Variants in SYNPR observed in about 807,000 individuals in gnomAD.
The protein encoded by SYNPR is synaptoporin.
In SYNPR, 23 loss-of-function variants were observed where a neutral mutation model predicts 32.9. The observed-to-expected ratio is 0.70, with a 90% CI of 0.50 to 0.99. The LOEUF (loss-of-function observed/expected upper bound fraction) is 0.99, where lower values mean the gene tolerates loss of function less well. SYNPR is among the 50% of genes least tolerant of loss of function. The pLI, the probability that SYNPR is intolerant of heterozygous loss-of-function variation, is 0.00. For missense variants in SYNPR, 318 were observed against 349.3 expected, an observed-to-expected ratio of 0.91 and a Z score of 0.71; for synonymous variants, 146 against 135.9, an observed-to-expected ratio of 1.07 and a Z score of -0.52.
chr3:63,605,517 T>C (rs557530017), intron 4 of SYNPR, among the ~76,000 whole-genome samples: 64 of 152,214 alleles, frequency 4.2e-4, no homozygotes, highest in Non-Finnish European at 8.1e-4. Flanking sequence ...AAATATTTAT[T>C]GAGCAGCTGC....
chr3:63,486,948 G>T (rs1701167491), intron 3 of SYNPR, among the ~76,000 whole-genome samples: 1 of 152,108 alleles, frequency 6.6e-6, no homozygotes, highest in South Asian at 2.1e-4. Context: ...TTTTGGAGGT[G>T]CTGCATGGGG....
chr3:63,219,289 C>T, the SYNPR span, among the ~76,000 whole-genome samples: 16 of 152,246 alleles, frequency 1.1e-4, no homozygotes, highest in East Asian at 2.1e-3. Context: ...GATTTTGGCA[C>T]GTCCAAGAAA....
At chr3:63,469,596 T>G (rs1449096135) in intron 2 of SYNPR, among the ~76,000 whole-genome samples, 53 of 152,252 alleles carry the variant, frequency 3.5e-4, no homozygotes, top group Admixed American at 3.5e-3. Flanking sequence ...TGAATTTTTA[T>G]TTTATCTTAT....
chr3:63,203,540 G>C, the SYNPR span: 1 of 152,108 alleles, frequency 6.6e-6, no homozygotes, highest in Non-Finnish European at 1.5e-5. Context: ...GCTGGGAACC[G>C]GAAGCTGGGT....
At chr3:63,478,244 T>C (rs886842320) in intron 2 of SYNPR, among the ~76,000 whole-genome samples, 3 of 152,208 alleles carry the variant, frequency 2.0e-5, no homozygotes, top group Non-Finnish European at 4.4e-5. Flanking sequence ...ATGGTATTAA[T>C]AATACCTTAC....
At chr3:63,487,793 A>G (rs929957268) in intron 3 of SYNPR, among the ~76,000 whole-genome samples, 2 of 152,236 alleles carry the variant, frequency 1.3e-5, no homozygotes, top group Non-Finnish European at 2.9e-5. Context: ...TGGCACTAGC[A>G]TAATCCTTGG....
chr3:63,468,901 T>TA (rs1000910983), intron 2 of SYNPR, among the ~76,000 whole-genome samples: 15 of 151,804 alleles, frequency 9.9e-5, no homozygotes, highest in Admixed American at 2.0e-4. Context: ...CATTTTTTTT[T>TA]AAAAAAAGGA....
At chr3:63,390,996 G>T (rs958795748) in intron 2 of SYNPR, among the ~76,000 whole-genome samples, 1 of 152,234 alleles carries the variant, frequency 6.6e-6, no homozygotes, top group Non-Finnish European at 1.5e-5. Context: ...CAGGGCCGTA[G>T]TAAGTCCTCA....
intron 2 of SYNPR, among the ~76,000 whole-genome samples, chr3:63,434,930 C>T (rs1193664397): frequency 6.6e-6 from 1 of 152,172 alleles, no homozygotes; most frequent in East Asian, 1.9e-4. Flanking sequence ...ATATTGTGTG[C>T]TATGCAGGAC....
At chr3:63,371,734 A>T (rs1299366931) in intron 2 of SYNPR, among the ~76,000 whole-genome samples, 1 of 152,152 alleles carries the variant, frequency 6.6e-6, no homozygotes, top group Non-Finnish European at 1.5e-5. Context: ...ACTGAGTGGG[A>T]CCCTGGACCT....
intron 2 of SYNPR, among the ~76,000 whole-genome samples, chr3:63,314,558 A>T (rs193125920): frequency 6.6e-6 from 1 of 151,892 alleles, no homozygotes; most frequent in East Asian, 1.9e-4. Context: ...TCCTTTGCCC[A>T]CTTTTTGATG....
At chr3:63,566,017 A>G (rs993004113) in intron 4 of SYNPR, among the ~76,000 whole-genome samples, 4 of 152,126 alleles carry the variant, frequency 2.6e-5, no homozygotes, top group African/African-American at 9.7e-5. Context: ...CTGCTTTCTG[A>G]TCTAGCTGAC....
chr3:63,401,079 G>T (rs1211942146), intron 2 of SYNPR, among the ~76,000 whole-genome samples: 1 of 151,996 alleles, frequency 6.6e-6, no homozygotes, highest in Non-Finnish European at 1.5e-5. Flanking sequence ...GACCCAGCTC[G>T]AGAGGGAGGT....
intron 2 of SYNPR, among the ~76,000 whole-genome samples, chr3:63,294,836 G>A (rs988274574): frequency 1.3e-5 from 2 of 152,010 alleles, no homozygotes; most frequent in Non-Finnish European, 2.9e-5. Context: ...ACTCGTAAAT[G>A]TTAGTGCATA....
At chr3:63,417,150 G>A (rs2088552819) in intron 2 of SYNPR, among the ~76,000 whole-genome samples, 1 of 152,250 alleles carries the variant, frequency 6.6e-6, no homozygotes, top group Non-Finnish European at 1.5e-5. Context: ...TGGGGGTACA[G>A]GCATTGGGTA....
intron 3 of SYNPR, among the ~76,000 whole-genome samples, chr3:63,551,295 A>G (rs1405496108): frequency 1.3e-5 from 2 of 152,288 alleles, no homozygotes; most frequent in African/African-American, 2.4e-5. Flanking sequence ...AATAAACTAC[A>G]TCTTATTTAT....
chr3:63,513,607 T>G (rs949645178), intron 3 of SYNPR, among the ~76,000 whole-genome samples: 1 of 152,118 alleles, frequency 6.6e-6, no homozygotes, highest in Non-Finnish European at 1.5e-5. Context: ...GCTGTAACCT[T>G]TATTATTTAT....
At chr3:63,231,683 G>T (rs985647032) in intron 1 of SYNPR, among the ~76,000 whole-genome samples, 1 of 152,208 alleles carries the variant, frequency 6.6e-6, no homozygotes, top group African/African-American at 2.4e-5. Flanking sequence ...ATCCTTCTAA[G>T]AAAAGGCCAT....
At chr3:63,486,949 C>T (rs1037988307) in intron 3 of SYNPR, among the ~76,000 whole-genome samples, 10 of 152,082 alleles carry the variant, frequency 6.6e-5, no homozygotes, top group Non-Finnish European at 1.0e-4. Flanking sequence ...TTTGGAGGTG[C>T]TGCATGGGGC....
Sources: gnomAD v4.1 joint callset for allele counts (sites outside exome capture counted in the v4.1 genomes callset) on GRCh38, gnomAD v4.1.1 for gene constraint, MANE v1.5 for transcripts, NCBI Gene and HGNC (gene_info 2026-07-23, HGNC 2026-07-21) for gene names.